Variants in DIS3L2 observed in about 807,000 individuals in gnomAD.
The protein encoded by DIS3L2 is DIS3-like exonuclease 2.
Under a neutral mutation model 97.5 loss-of-function variants are expected in DIS3L2, and 34 were observed. That is an observed-to-expected ratio of 0.35 (90% CI 0.27 to 0.46). The LOEUF is 0.46. Among genes scored for constraint, DIS3L2 ranks in the 20% least tolerant of loss-of-function variants. DIS3L2 has a pLI of 1.00. For synonymous variants in DIS3L2, 435 were observed against 445.2 expected (o/e 0.98, Z 0.29); for missense variants, 1,038 against 1,146.0 (o/e 0.91, Z 1.36).
At chr2:231,983,208 T>C (rs1574784966) in intron 1 of DIS3L2, among the ~76,000 whole-genome samples, 2 of 152,330 alleles carry the variant, frequency 1.3e-5, no homozygotes. Flanking sequence ...ATTGATTTAC[T>C]GAGGCTGCCA....
At chr2:232,021,350 T>C (rs560449988) in intron 3 of DIS3L2, among the ~76,000 whole-genome samples, 10 of 152,282 alleles carry the variant, frequency 6.6e-5, no homozygotes, top group Non-Finnish European at 1.0e-4. Flanking sequence ...TGGTCACAGC[T>C]TTGGGCTGGA....
At chr2:232,062,584 C>T (rs772091159) in intron 5 of DIS3L2, among the ~76,000 whole-genome samples, 1 of 152,082 alleles carries the variant, frequency 6.6e-6, no homozygotes, top group African/African-American at 2.4e-5. Flanking sequence ...TCTTTGAACA[C>T]TTGTTTATTT....
intron 14 of DIS3L2, 27 bp from the exon 15 acceptor site, chr2:232,329,786 C>CCCCGGGGGAG: frequency 4.6e-6 from 2 of 430,238 alleles, no homozygotes; most frequent in Non-Finnish European, 8.4e-6. Flanking sequence ...CCCCAGCGGT[C>CCCCGGGGGAG]CCTCCCATCC....
At chr2:232,132,618 A>G (rs1164236291) in intron 7 of DIS3L2, among the ~76,000 whole-genome samples, 3 of 152,198 alleles carry the variant, frequency 2.0e-5, no homozygotes, top group African/African-American at 7.2e-5. Flanking sequence ...CTAGCAATAG[A>G]GGGTGGCCCA....
intron 12 of DIS3L2, among the ~76,000 whole-genome samples, chr2:232,261,686 T>G (rs1036679990): frequency 1.3e-5 from 2 of 152,180 alleles, no homozygotes; most frequent in African/African-American, 4.8e-5. Context: ...TTTCCTAAAA[T>G]AGCCTTCATA....
chr2:232,202,745 A>C (rs1691928893), intron 9 of DIS3L2, among the ~76,000 whole-genome samples: 1 of 152,198 alleles, frequency 6.6e-6, no homozygotes, highest in Non-Finnish European at 1.5e-5. Flanking sequence ...AGGCAAATGG[A>C]CCAAGGTCAC....
rs756760865 is a variant in DIS3L2 at position 232,263,243 on chromosome 2, T to C, written c.1462T>C (p.Ser488Pro). The C allele has an allele frequency of 6.2e-7, 1 of 1,614,222 alleles. No individual in the cohort carries two copies. Among genetic ancestry groups the C allele is most frequent in the Middle Eastern group, 1.7e-4 (1 of 6,060 alleles). The stretch of plus-strand genomic sequence containing the variant: ...ATGGTTTGGCCGGACCATCATCCGC[T>C]CCTGCACCAAACTTAGCTACGAGCA... Reference protein sequence around the residue: ...DEWFGRTIIRSCTKLSYEHAQ... With the variant: ...DEWFGRTIIRPCTKLSYEHAQ... Residue 488 changes from serine to proline, a missense_variant, in exon 13 of 21, where the codon TCC (serine) becomes CCC (proline). Physicochemically the swap from Ser to Pro is moderately conservative, Grantham distance 74. Transcript: ENST00000325385.
At chr2:232,286,314 A>T (rs1316702428) in intron 13 of DIS3L2, among the ~76,000 whole-genome samples, 2 of 152,216 alleles carry the variant, frequency 1.3e-5, no homozygotes, top group African/African-American at 4.8e-5. Flanking sequence ...CAGCACAGCC[A>T]CAGGAGAGCA....
intron 1 of DIS3L2, among the ~76,000 whole-genome samples, chr2:232,013,565 A>G (rs926524517): frequency 5.3e-5 from 8 of 152,288 alleles, no homozygotes; most frequent in African/African-American, 1.9e-4. Flanking sequence ...AAGTACTCTC[A>G]GGTTTCCTGA....
chr2:232,191,410 C>G (rs946529592), intron 9 of DIS3L2, among the ~76,000 whole-genome samples: 1 of 152,112 alleles, frequency 6.6e-6, no homozygotes, highest in Non-Finnish European at 1.5e-5. Flanking sequence ...GGTGGGTGAT[C>G]AAGCTGGATA....
chr2:232,101,454 A>C (rs1392322537), intron 6 of DIS3L2, among the ~76,000 whole-genome samples: 2 of 152,186 alleles, frequency 1.3e-5, no homozygotes, highest in Non-Finnish European at 2.9e-5. Flanking sequence ...ACCCATATTT[A>C]TCATCAGTAT....
intron 1 of DIS3L2, among the ~76,000 whole-genome samples, chr2:231,969,814 T>C (rs181554819): frequency 3.9e-4 from 59 of 152,338 alleles, no homozygotes; most frequent in Middle Eastern, 3.4e-3. Flanking sequence ...GCATTTAGTC[T>C]TTCACCATTT....
At chr2:232,052,029 CT>C (rs879827503) in intron 5 of DIS3L2, among the ~76,000 whole-genome samples, 158 of 141,700 alleles carry the variant, frequency 1.1e-3, no homozygotes, top group Non-Finnish European at 1.2e-3. Flanking sequence ...TCTTAATTTC[CT>C]TTTTTTTTTT....
chr2:232,220,765 G>T (rs1692479351), intron 10 of DIS3L2, among the ~76,000 whole-genome samples: 1 of 152,054 alleles, frequency 6.6e-6, no homozygotes, highest in South Asian at 2.1e-4. Context: ...TCCTTTGGTA[G>T]CAGATAGATC....
intron 6 of DIS3L2, among the ~76,000 whole-genome samples, chr2:232,113,327 C>T (rs1279171226): frequency 6.6e-6 from 1 of 152,206 alleles, no homozygotes; most frequent in East Asian, 1.9e-4. Flanking sequence ...CTGGGAATTG[C>T]ACTGCTCATT....
chr2:232,338,161 A>G (rs1168195114), downstream of DIS3L2, among the ~76,000 whole-genome samples: 3 of 151,998 alleles, frequency 2.0e-5, no homozygotes, highest in East Asian at 5.8e-4. Context: ...AGGAAGGACC[A>G]GGGCCCTTCC....
intron 5 of DIS3L2, among the ~76,000 whole-genome samples, chr2:232,072,286 A>C (rs1489777857): frequency 1.3e-5 from 2 of 152,164 alleles, no homozygotes; most frequent in Admixed American, 1.3e-4. Context: ...AAGGAAAGGA[A>C]ATATGATTTT....
At position 232,210,312 on chromosome 2, in the gene DIS3L2, T is replaced by A; in HGVS notation, c.1125-14T>A. On this transcript the variant is annotated splice_polypyrimidine_tract_variant and intron_variant, in intron 9 of 20. Transcript: ENST00000325385. ...ATTTGTGGCATTGCTAATTGTTTCT[T>A]CACTCTTTCCTAGAAAAGACTGTAT... 6.2e-7 allele frequency: 1 copy of A among 1,609,144 alleles called. No individual in the cohort carries two copies. The highest frequency in any genetic ancestry group is 8.5e-7 in the Non-Finnish European group (1 of 1,175,696).
rs140638762 is a variant in DIS3L2 at position 232,317,987 on chromosome 2, G to A, written c.1740-11826G>A. 4.6e-4 allele frequency among the ~76,000 whole-genome samples: 70 copies of A among 152,322 alleles called. 1 individual carries two copies. Among genetic ancestry groups the A allele is most frequent in the African/African-American group, 1.6e-3 (65 of 41,566 alleles). On this transcript the variant is annotated intron_variant, in intron 14 of 20. Transcript: ENST00000325385. ...CTGCCTAAGGTTACCCAGGTTGTGTGTGGTTGACAGTGCCCTACCTTTCCC... is the reference window on the plus strand; with the variant it reads ...CTGCCTAAGGTTACCCAGGTTGTGTATGGTTGACAGTGCCCTACCTTTCCC...
Sources: allele counts gnomAD v4.1 joint callset (sites outside exome capture counted in the v4.1 genomes callset), GRCh38; gene constraint gnomAD v4.1.1; transcripts MANE v1.5; gene names NCBI Gene and HGNC (gene_info 2026-07-23, HGNC 2026-07-21).